SYT6: variants seen among roughly 807,000 people sequenced by gnomAD.
SYT6 encodes synaptotagmin 6, also known as synaptotagmin-6.
A neutral mutation model predicts 38.4 loss-of-function variants in SYT6; 24 were observed. The ratio of observed to expected loss-of-function variants is 0.62; its 90% CI spans 0.45 to 0.88. The LOEUF is 0.88. Ranked by LOEUF, SYT6 falls within the 40% of genes least tolerant of loss-of-function variation. The pLI is 0.00. For missense variants in SYT6, 611 were observed against 621.0 expected (o/e 0.98, Z 0.17); for synonymous variants, 265 against 241.9 (o/e 1.10, Z -0.89).
At chr1:114,112,743 G>A (rs899933394) in intron 3 of SYT6, among the ~76,000 whole-genome samples, 1 of 152,206 alleles carries the variant, frequency 6.6e-6, no homozygotes, top group Non-Finnish European at 1.5e-5. Flanking sequence ...GGGTGGTGGG[G>A]GTAGTAAAGG....
At chr1:114,104,539 C>T (rs535891601) in intron 3 of SYT6, among the ~76,000 whole-genome samples, 7 of 152,218 alleles carry the variant, frequency 4.6e-5, no homozygotes, top group South Asian at 2.1e-4. Context: ...GGCGCTGTCA[C>T]GGTGAAGCCT....
intron 1 of SYT6, among the ~76,000 whole-genome samples, chr1:114,150,030 G>A (rs974613948): frequency 1.3e-5 from 2 of 152,038 alleles, no homozygotes; most frequent in East Asian, 3.9e-4. Flanking sequence ...CAGTTTAGTC[G>A]GAACTTTGTC....
At chr1:114,108,602 C>A (rs1557738691) in intron 3 of SYT6, among the ~76,000 whole-genome samples, 1 of 152,196 alleles carries the variant, frequency 6.6e-6, no homozygotes, top group Non-Finnish European at 1.5e-5. Flanking sequence ...TATCAGCCAT[C>A]ACCAACTGAG....
At chr1:114,115,031 A>G (rs529128597) in intron 3 of SYT6, among the ~76,000 whole-genome samples, 1 of 152,362 alleles carries the variant, frequency 6.6e-6, no homozygotes, top group African/African-American at 2.4e-5. Flanking sequence ...AAAATTAGGT[A>G]TTAAGCAAAG....
chr1:114,111,498 C>T (rs1016274710), intron 3 of SYT6, among the ~76,000 whole-genome samples: 2 of 152,156 alleles, frequency 1.3e-5, no homozygotes, highest in African/African-American at 4.8e-5. Flanking sequence ...AAGATCTTTC[C>T]CACCTTCATG....
chr1:114,092,484 G>T (rs1336117460), intron 7 of SYT6, among the ~76,000 whole-genome samples: 1 of 152,132 alleles, frequency 6.6e-6, no homozygotes, highest in African/African-American at 2.4e-5. Context: ...TTACTGCCAA[G>T]AACCCATGGT....
chr1:114,150,903 G>A (rs1477954414), intron 1 of SYT6, among the ~76,000 whole-genome samples: 3 of 152,208 alleles, frequency 2.0e-5, no homozygotes, highest in Non-Finnish European at 4.4e-5. Context: ...CTATAGAGGA[G>A]TCTCAGCAAA....
chr1:114,137,960 G>T lies in SYT6; in HGVS notation c.606C>A (p.Thr202=). The stretch of plus-strand genomic sequence containing the variant: ...GCTCAGGCTTGATGCGGCCAATGCT[G>T]GTGGGCTGCTCTGCTGCTGGTGGAA... ...NELPPAAEQP[T]SIGRIKPELY... is the part of the protein sequence containing the mutation. The change falls in exon 3 of 8, where the codon ACC becomes ACA. Residue 202 remains threonine, a synonymous_variant. Coordinates refer to ENST00000610222, the MANE Select transcript of SYT6 (RefSeq NM_001253772.2). 1.2e-6 allele frequency: 2 copies of T among 1,614,038 alleles called. No individual in the cohort carries two copies. Among genetic ancestry groups the T allele is most frequent in the Non-Finnish European group, 1.7e-6 (2 of 1,180,024 alleles).
chr1:114,123,607 G>A (rs377748445), intron 3 of SYT6, among the ~76,000 whole-genome samples: 10 of 152,252 alleles, frequency 6.6e-5, no homozygotes, highest in East Asian at 1.9e-4. Context: ...CACATTCTCC[G>A]TCTTTCCTTT....
chr1:114,098,676 C>T (rs1027910084), intron 5 of SYT6, among the ~76,000 whole-genome samples: 2 of 152,178 alleles, frequency 1.3e-5, no homozygotes, highest in African/African-American at 4.8e-5. Context: ...GTATGTTGAC[C>T]GAATTGTGGC....
chr1:114,109,472 T>C (rs1218833765), intron 3 of SYT6, among the ~76,000 whole-genome samples: 2 of 152,218 alleles, frequency 1.3e-5, no homozygotes, highest in African/African-American at 2.4e-5. Flanking sequence ...GAGAGTAGTA[T>C]GGCTTACTTA....
chr1:114,145,513 T>G (rs1356118679), intron 1 of SYT6, among the ~76,000 whole-genome samples: 12 of 117,174 alleles, frequency 1.0e-4, no homozygotes, highest in East Asian at 2.2e-4. Context: ...TTTTTTTTTT[T>G]TTTTTTTTTT....
intron 1 of SYT6, among the ~76,000 whole-genome samples, chr1:114,151,950 T>A (rs1045386258): frequency 1.3e-5 from 2 of 152,124 alleles, no homozygotes; most frequent in African/African-American, 4.8e-5. Context: ...CTCAGTCCCT[T>A]CTGCTGCAGT....
intron 2 of SYT6, among the ~76,000 whole-genome samples, chr1:114,138,771 T>G (rs1423411107): frequency 6.6e-6 from 1 of 152,246 alleles, no homozygotes; most frequent in South Asian, 2.1e-4. Context: ...TCCTCACAAC[T>G]GCCATATAAA....
At chr1:114,128,556 C>A (rs567542151) in intron 3 of SYT6, among the ~76,000 whole-genome samples, 1 of 152,342 alleles carries the variant, frequency 6.6e-6, no homozygotes, top group Non-Finnish European at 1.5e-5. Context: ...GCCCGTGTCC[C>A]CGTTCCACAG....
Position 114,090,578 on chromosome 1 carries a change from G to T in SYT6, c.*1556C>A, listed in dbSNP as rs1295854334. 1 of 152,358 alleles carries T rather than the reference G, an allele frequency of 6.6e-6. No individual in the cohort carries two copies. Among genetic ancestry groups the T allele is most frequent in the African/African-American group, 2.4e-5 (1 of 41,448 alleles). The allele number at this position is 152,358 out of a possible 1,614,324, so 9.4% of individuals were successfully genotyped here. A position where few individuals can be genotyped will look rare whatever the true frequency, so the allele number is the denominator to read the frequency against. On this transcript the variant is annotated 3_prime_UTR_variant, in exon 8 of 8. Transcript: ENST00000610222. ...AGCATATATAAAGAATAAGACACAGGTGTGTGAACAGATTTTCTGTTCTTG... is the reference window on the plus strand; with the variant it reads ...AGCATATATAAAGAATAAGACACAGTTGTGTGAACAGATTTTCTGTTCTTG...
intron 3 of SYT6, among the ~76,000 whole-genome samples, chr1:114,107,298 A>G (rs1449624136): frequency 6.6e-6 from 1 of 152,238 alleles, no homozygotes; most frequent in African/African-American, 2.4e-5. Flanking sequence ...AGTGACCCGC[A>G]GACCTCCCTG....
intron 1 of SYT6, among the ~76,000 whole-genome samples, chr1:114,148,668 C>CATTT (rs67439650): frequency 0.022 from 3,252 of 150,624 alleles, 59 homozygotes; most frequent in East Asian, 0.077. Flanking sequence ...CTAATAATAT[C>CATTT]ATTTATTTAT....
At chr1:114,092,189 A>G in intron 7 of SYT6, 107 bp from the exon 8 acceptor site, 3 of 1,087,872 alleles carry the variant, frequency 2.8e-6, no homozygotes, top group South Asian at 3.2e-5. Context: ...CTAGCTTCTC[A>G]TAAGCTTTCT....
Sources: gnomAD v4.1 joint callset for allele counts (sites outside exome capture counted in the v4.1 genomes callset) on GRCh38, gnomAD v4.1.1 for gene constraint, MANE v1.5 for transcripts, NCBI Gene and HGNC (gene_info 2026-07-23, HGNC 2026-07-21) for gene names.